GNAQ: variants seen among roughly 807,000 people sequenced by gnomAD.
The protein encoded by GNAQ is guanine nucleotide-binding protein G(q) subunit alpha.
Under a neutral mutation model 43.9 loss-of-function variants are expected in GNAQ, and 8 were observed. That is an observed-to-expected ratio of 0.18 (90% CI 0.11 to 0.33). The LOEUF (loss-of-function observed/expected upper bound fraction) is 0.33. GNAQ is among the 10% of genes least tolerant of loss of function. The pLI, the probability that GNAQ is intolerant of heterozygous loss-of-function variation, is 1.00. For synonymous variants in GNAQ, 155 were observed against 170.7 expected (o/e 0.91, Z 0.71); for missense variants, 158 against 450.8 (o/e 0.35, Z 5.88).
At chr9:77,854,512 T>A (rs1827720603) in intron 2 of GNAQ, among the ~76,000 whole-genome samples, 1 of 152,180 alleles carries the variant, frequency 6.6e-6, no homozygotes, top group South Asian at 2.1e-4. Context: ...TTGCTTCAGG[T>A]TTGGTCTGTT....
At chr9:77,847,623 A>AT (rs1489778476) in intron 2 of GNAQ, among the ~76,000 whole-genome samples, 1 of 152,194 alleles carries the variant, frequency 6.6e-6, no homozygotes, top group Non-Finnish European at 1.5e-5. Flanking sequence ...GATGAACTTT[A>AT]TTTTTTACCT....
chr9:77,849,052 T>C (rs1827630874), intron 2 of GNAQ, among the ~76,000 whole-genome samples: 1 of 152,138 alleles, frequency 6.6e-6, no homozygotes, highest in African/African-American at 2.4e-5. Context: ...TCGAGCTCAG[T>C]GACAACATCC....
At chr9:77,902,729 A>G (rs372729972) in intron 2 of GNAQ, among the ~76,000 whole-genome samples, 1 of 152,186 alleles carries the variant, frequency 6.6e-6, no homozygotes, top group Admixed American at 6.5e-5. Context: ...TTTTTGTACA[A>G]AACAGGATAA....
intron 5 of GNAQ, among the ~76,000 whole-genome samples, chr9:77,771,588 A>G (rs1026467683): frequency 1.4e-4 from 22 of 152,266 alleles, no homozygotes; most frequent in Admixed American, 1.4e-3. Context: ...ATTCTGGACT[A>G]CCAATCTCTC....
chr9:77,764,987 A>G (rs1826111191), intron 5 of GNAQ, among the ~76,000 whole-genome samples: 2 of 152,166 alleles, frequency 1.3e-5, no homozygotes, highest in South Asian at 2.1e-4. Flanking sequence ...ATTAACATAC[A>G]TCTCATATTT....
At chr9:77,922,972 C>T (rs1245495342) in intron 1 of GNAQ, among the ~76,000 whole-genome samples, 2 of 152,050 alleles carry the variant, frequency 1.3e-5, no homozygotes, top group African/African-American at 4.8e-5. Flanking sequence ...CCTCAGCCTC[C>T]CCATAGCTGG....
intron 2 of GNAQ, among the ~76,000 whole-genome samples, chr9:77,833,931 CCCA>C (rs890958731): frequency 6.6e-6 from 1 of 152,082 alleles, no homozygotes; most frequent in African/African-American, 2.4e-5. Flanking sequence ...TTCCAAAATT[CCCA>C]CAGTCTGATA....
At chr9:77,774,031 T>G (rs1826269339) in intron 5 of GNAQ, among the ~76,000 whole-genome samples, 1 of 152,120 alleles carries the variant, frequency 6.6e-6, no homozygotes, top group Non-Finnish European at 1.5e-5. Flanking sequence ...CAGATGGTAC[T>G]CAAGAAAGAC....
intron 2 of GNAQ, among the ~76,000 whole-genome samples, chr9:77,918,395 C>T (rs988741717): frequency 8.6e-5 from 13 of 152,018 alleles, no homozygotes; most frequent in African/African-American, 3.1e-4. Flanking sequence ...TTTAGTGTCA[C>T]AATAATATAA....
At chr9:77,999,881 T>C (rs535024817) in intron 1 of GNAQ, among the ~76,000 whole-genome samples, 3 of 152,236 alleles carry the variant, frequency 2.0e-5, no homozygotes, top group South Asian at 4.1e-4. Flanking sequence ...AGTTCCCTAG[T>C]AGGAAAAAAT....
intron 1 of GNAQ, among the ~76,000 whole-genome samples, chr9:77,963,703 A>G (rs1386114651): frequency 1.3e-5 from 2 of 152,190 alleles, no homozygotes; most frequent in Non-Finnish European, 2.9e-5. Context: ...CCTGCTTATT[A>G]TGAGAGTGGT....
At chr9:77,875,228 AAAC>A (rs1284101109) in intron 2 of GNAQ, among the ~76,000 whole-genome samples, 1 of 152,252 alleles carries the variant, frequency 6.6e-6, no homozygotes, top group African/African-American at 2.4e-5. Context: ...GAATGAAATT[AAAC>A]AACACAATTT....
chr9:77,729,781 C>A (rs773126038), intron 5 of GNAQ, among the ~76,000 whole-genome samples: 4 of 152,212 alleles, frequency 2.6e-5, no homozygotes, highest in Non-Finnish European at 5.9e-5. Context: ...ATTGTGCCCA[C>A]CTCTGCTGCT....
intron 1 of GNAQ, among the ~76,000 whole-genome samples, chr9:77,934,920 T>G (rs888187650): frequency 1.3e-5 from 2 of 151,504 alleles, no homozygotes; most frequent in Non-Finnish European, 2.9e-5. Context: ...AGGTCAAGAG[T>G]TCAAGACCAG....
At chr9:77,928,136 G>A (rs1263426181) in intron 1 of GNAQ, among the ~76,000 whole-genome samples, 1 of 152,202 alleles carries the variant, frequency 6.6e-6, no homozygotes, top group African/African-American at 2.4e-5. Context: ...CTCAATCCAT[G>A]TGTTGTCCAC....
intron 1 of GNAQ, among the ~76,000 whole-genome samples, chr9:77,947,096 T>C (rs770620975): frequency 2.3e-4 from 35 of 152,252 alleles, no homozygotes; most frequent in Non-Finnish European, 4.6e-4. Context: ...CCTTCTCTGC[T>C]GGGCAAAACC....
At chr9:77,875,918 T>C (rs754468541) in intron 2 of GNAQ, among the ~76,000 whole-genome samples, 1 of 152,164 alleles carries the variant, frequency 6.6e-6, no homozygotes, top group Non-Finnish European at 1.5e-5. Context: ...GGGAAAAACC[T>C]ACCTATGGAG....
At chr9:77,933,383 T>C (rs924813288) in intron 1 of GNAQ, among the ~76,000 whole-genome samples, 4 of 152,180 alleles carry the variant, frequency 2.6e-5, no homozygotes, top group African/African-American at 9.7e-5. Flanking sequence ...TGGCATCATC[T>C]GGCCAGGAGC....
At chr9:77,776,074 T>C (rs1326744962) in intron 5 of GNAQ, among the ~76,000 whole-genome samples, 2 of 152,196 alleles carry the variant, frequency 1.3e-5, no homozygotes, top group South Asian at 2.1e-4. Context: ...ATCTGGAAAT[T>C]AACCACAGGC....
Sources: allele counts gnomAD v4.1 joint callset (sites outside exome capture counted in the v4.1 genomes callset), GRCh38; gene constraint gnomAD v4.1.1; transcripts MANE v1.5; gene names NCBI Gene and HGNC (gene_info 2026-07-23, HGNC 2026-07-21).